The following LOC128462377 variants were observed in gnomAD, a reference collection of about 807,000 sequenced individuals.
At chr16:89,378,764 T>G in the LOC128462377 span, among the ~76,000 whole-genome samples, 5 of 152,224 alleles carry the variant, frequency 3.3e-5, no homozygotes, top group South Asian at 4.1e-4. Flanking sequence ...TCTGTGTATT[T>G]TAGTAGAGAC....
At chr16:89,415,727 C>A in the LOC128462377 span, among the ~76,000 whole-genome samples, 17 of 148,216 alleles carry the variant, frequency 1.1e-4, no homozygotes, top group African/African-American at 4.3e-4. Flanking sequence ...AGTTGGGAGG[C>A]TGAGGCAGGA....
chr16:89,384,879 C>CTTTTTTTTTTTTTTTTCTTTTT, the LOC128462377 span, among the ~76,000 whole-genome samples: 1 of 49,910 alleles, frequency 2.0e-5, no homozygotes, highest in African/African-American at 7.9e-5. Flanking sequence ...AAATAGTTTT[C>CTTTTTTTTTTTTTTTTCTTTTT]TTTTTTTTTT....
At chr16:89,363,550 T>A in the LOC128462377 span, among the ~76,000 whole-genome samples, 1 of 152,198 alleles carries the variant, frequency 6.6e-6, no homozygotes, top group Non-Finnish European at 1.5e-5. Flanking sequence ...CCTTACATAG[T>A]TCACAATTCT....
chr16:89,373,967 C>T, the LOC128462377 span, among the ~76,000 whole-genome samples: 118 of 152,352 alleles, frequency 7.7e-4, no homozygotes, highest in Non-Finnish European at 1.4e-3. Flanking sequence ...CCCTGGCCCA[C>T]TCGACATCTC....
the LOC128462377 span, among the ~76,000 whole-genome samples, chr16:89,350,419 T>C: frequency 3.9e-5 from 6 of 152,118 alleles, no homozygotes; most frequent in Non-Finnish European, 5.9e-5. Context: ...ACAACGGACA[T>C]GTCTATAACT....
At chr16:89,397,990 C>A in the LOC128462377 span, among the ~76,000 whole-genome samples, 1 of 152,242 alleles carries the variant, frequency 6.6e-6, no homozygotes, top group African/African-American at 2.4e-5. Flanking sequence ...CCAAAAACAA[C>A]CACAAAGCGC....
the LOC128462377 span, among the ~76,000 whole-genome samples, chr16:89,385,506 G>C: frequency 7.2e-5 from 11 of 152,100 alleles, no homozygotes; most frequent in African/African-American, 2.7e-4. Flanking sequence ...GGGCGCCAGA[G>C]ACACCGAGAC....
the LOC128462377 span, among the ~76,000 whole-genome samples, chr16:89,375,953 A>G: frequency 0.059 from 9,047 of 152,188 alleles, 695 homozygotes; most frequent in African/African-American, 0.18. Context: ...CTTGCGTGAC[A>G]CGCCGCAGCC....
the LOC128462377 span, among the ~76,000 whole-genome samples, chr16:89,391,227 C>CAA: frequency 2.2e-4 from 21 of 95,302 alleles, no homozygotes; most frequent in Non-Finnish European, 2.6e-4. Context: ...GACTCTGTCT[C>CAA]AAAAAAAAAA....
chr16:89,336,793 G>A, the LOC128462377 span, among the ~76,000 whole-genome samples: 3 of 152,128 alleles, frequency 2.0e-5, no homozygotes, highest in South Asian at 6.2e-4. Flanking sequence ...TTCAATACAA[G>A]TGTAACATTT....
At chr16:89,364,569 T>A in the LOC128462377 span, among the ~76,000 whole-genome samples, 26 of 152,144 alleles carry the variant, frequency 1.7e-4, no homozygotes, top group Non-Finnish European at 2.5e-4. Context: ...AGCAGAGGTG[T>A]CCAATCTTTT....
the LOC128462377 span, among the ~76,000 whole-genome samples, chr16:89,383,138 C>G: frequency 0.51 from 76,880 of 152,162 alleles, 19,805 homozygotes; most frequent in Middle Eastern, 0.69. Context: ...TGCGGACCCA[C>G]AGCCTAAGGC....
At chr16:89,390,552 C>G in the LOC128462377 span, among the ~76,000 whole-genome samples, 1 of 152,158 alleles carries the variant, frequency 6.6e-6, no homozygotes, top group Non-Finnish European at 1.5e-5. Flanking sequence ...CCAAGAAGCT[C>G]AACAAATCCC....
chr16:89,361,071 G>A, the LOC128462377 span, among the ~76,000 whole-genome samples: 1 of 152,266 alleles, frequency 6.6e-6, no homozygotes, highest in South Asian at 2.1e-4. Flanking sequence ...CCCAGCCCCT[G>A]CTGCAATGGC....
the LOC128462377 span, among the ~76,000 whole-genome samples, chr16:89,376,370 G>A: frequency 1.5e-4 from 23 of 152,326 alleles, no homozygotes; most frequent in Middle Eastern, 3.4e-3. Context: ...CAACCAAGAG[G>A]TAGCAGATGA....
At chr16:89,408,966 T>G in the LOC128462377 span, among the ~76,000 whole-genome samples, 1 of 151,874 alleles carries the variant, frequency 6.6e-6, no homozygotes, top group African/African-American at 2.4e-5. Context: ...TTTCTAAAAG[T>G]AGGAGGAATA....
At chr16:89,393,714 G>A in the LOC128462377 span, among the ~76,000 whole-genome samples, 2 of 152,002 alleles carry the variant, frequency 1.3e-5, no homozygotes, top group African/African-American at 2.4e-5. Context: ...AAGCAGCCGG[G>A]CCGATGGAAA....
chr16:89,371,253 C>G, the LOC128462377 span, among the ~76,000 whole-genome samples: 6 of 152,210 alleles, frequency 3.9e-5, no homozygotes, highest in Admixed American at 3.9e-4. Flanking sequence ...AGGCCACCTA[C>G]ACAGAGAGGC....
At chr16:89,408,445 G>A in the LOC128462377 span, among the ~76,000 whole-genome samples, 6 of 152,226 alleles carry the variant, frequency 3.9e-5, no homozygotes, top group African/African-American at 7.2e-5. Flanking sequence ...CGTTAGAAAC[G>A]GCCTCACCCT....
Sources: gnomAD v4.1 joint callset for allele counts (sites outside exome capture counted in the v4.1 genomes callset) on GRCh38, gnomAD v4.1.1 for gene constraint, MANE v1.5 for transcripts.